The following LINGO2 variants were observed in gnomAD, a reference collection of about 807,000 sequenced individuals.
LINGO2 encodes the protein leucine rich repeat and Ig domain containing 2, also known as leucine-rich repeat and immunoglobulin-like domain-containing nogo receptor-interacting protein 2.
A neutral mutation model predicts 30.6 loss-of-function variants in LINGO2; 14 were observed. The ratio of observed to expected loss-of-function variants is 0.46; its 90% CI spans 0.30 to 0.72. LINGO2 has a LOEUF of 0.72. Ranked by LOEUF, LINGO2 falls within the 30% of genes least tolerant of loss-of-function variation. The probability of loss-of-function intolerance (pLI) is 0.07; values close to 1 mark genes in which losing one functional copy is unlikely to be tolerated. For missense variants in LINGO2, 729 were observed against 751.7 expected, an observed-to-expected ratio of 0.97 and a Z score of 0.35; for synonymous variants, 317 against 288.5, an observed-to-expected ratio of 1.10 and a Z score of -1.00.
the LINGO2 span, among the ~76,000 whole-genome samples, chr9:28,820,356 C>T: frequency 1.3e-5 from 2 of 151,788 alleles, no homozygotes; most frequent in Non-Finnish European, 2.9e-5. Flanking sequence ...AAAAAGATGA[C>T]AAAAATGGCC....
chr9:28,443,747 C>T (rs536911837), intron 2 of LINGO2, among the ~76,000 whole-genome samples: 35 of 152,270 alleles, frequency 2.3e-4, no homozygotes, highest in Middle Eastern at 3.4e-3. Flanking sequence ...TCAGTGTGGG[C>T]CTGTGGGCGG....
At chr9:28,180,093 G>C (rs1828870213) in intron 4 of LINGO2, among the ~76,000 whole-genome samples, 2 of 152,100 alleles carry the variant, frequency 1.3e-5, no homozygotes, top group South Asian at 4.1e-4. Context: ...CCTGGGGCAA[G>C]GAGCTGTCTT....
At chr9:28,925,206 A>G in the LINGO2 span, among the ~76,000 whole-genome samples, 1 of 152,332 alleles carries the variant, frequency 6.6e-6, no homozygotes, top group South Asian at 2.1e-4. Flanking sequence ...CCTTCCCCAG[A>G]GAAAAGTCTT....
At chr9:28,072,231 C>A (rs1825500430) in intron 4 of LINGO2, among the ~76,000 whole-genome samples, 1 of 152,190 alleles carries the variant, frequency 6.6e-6, no homozygotes, top group African/African-American at 2.4e-5. Context: ...CATGGAGAAT[C>A]TGGAAAAGCT....
the LINGO2 span, among the ~76,000 whole-genome samples, chr9:29,139,927 A>G: frequency 1.3e-3 from 197 of 152,184 alleles, no homozygotes; most frequent in South Asian, 0.01. Context: ...CTGCAGAGCC[A>G]TAGACAGACA....
the LINGO2 span, among the ~76,000 whole-genome samples, chr9:29,077,078 G>C: frequency 0.2 from 29,984 of 151,788 alleles, 3,101 homozygotes; most frequent in African/African-American, 0.24. Context: ...ATAAGGAAAT[G>C]GCAAACAAAC....
intron 4 of LINGO2, among the ~76,000 whole-genome samples, chr9:28,118,609 T>C (rs1307995241): frequency 6.6e-6 from 1 of 152,180 alleles, no homozygotes; most frequent in Non-Finnish European, 1.5e-5. Context: ...GGGAGAGTAG[T>C]AACTAATATG....
intron 4 of LINGO2, among the ~76,000 whole-genome samples, chr9:28,233,928 A>G (rs898275993): frequency 2.0e-5 from 3 of 152,196 alleles, no homozygotes; most frequent in African/African-American, 7.2e-5. Context: ...CTGAATAACC[A>G]GCAGTAATAC....
At chr9:28,840,154 G>A in the LINGO2 span, among the ~76,000 whole-genome samples, 21 of 151,848 alleles carry the variant, frequency 1.4e-4, no homozygotes, top group Non-Finnish European at 2.8e-4. Context: ...CTGAGAGCAC[G>A]GAGATGCTCA....
At chr9:28,220,382 T>C (rs888538398) in intron 4 of LINGO2, among the ~76,000 whole-genome samples, 4 of 152,162 alleles carry the variant, frequency 2.6e-5, no homozygotes, top group Non-Finnish European at 5.9e-5. Context: ...TTGTCCGTTA[T>C]CACACAAAAG....
intron 5 of LINGO2, among the ~76,000 whole-genome samples, chr9:27,953,736 A>G (rs562585300): frequency 6.6e-6 from 1 of 152,300 alleles, no homozygotes; most frequent in South Asian, 2.1e-4. Flanking sequence ...GTGTGAGTCA[A>G]TTAAACCTCT....
intron 1 of LINGO2, among the ~76,000 whole-genome samples, chr9:28,483,637 A>C (rs1826060371): frequency 6.6e-6 from 1 of 152,012 alleles, no homozygotes; most frequent in Non-Finnish European, 1.5e-5. Context: ...TGTACTTTCT[A>C]TTGTAATCAA....
intron 1 of LINGO2, among the ~76,000 whole-genome samples, chr9:28,516,248 G>A (rs1028860791): frequency 2.6e-5 from 4 of 152,160 alleles, no homozygotes; most frequent in Non-Finnish European, 5.9e-5. Flanking sequence ...AGGTACGCCT[G>A]TATATTTAAT....
chr9:27,993,961 T>G (rs1821527540), intron 5 of LINGO2, among the ~76,000 whole-genome samples: 1 of 151,970 alleles, frequency 6.6e-6, no homozygotes, highest in Admixed American at 6.6e-5. Context: ...ACGTGTCTTC[T>G]CTGACCACCG....
intron 4 of LINGO2, among the ~76,000 whole-genome samples, chr9:28,143,145 A>G (rs1264746813): frequency 6.6e-6 from 1 of 152,142 alleles, no homozygotes; most frequent in Non-Finnish European, 1.5e-5. Context: ...AATCACCATC[A>G]TTTTCTATAA....
chr9:28,647,172 C>CCT (rs1827879449), intron 1 of LINGO2, among the ~76,000 whole-genome samples: 1 of 152,058 alleles, frequency 6.6e-6, no homozygotes, highest in East Asian at 1.9e-4. Flanking sequence ...TCTTTTAATA[C>CCT]CTCTCAAAAA....
chr9:28,571,016 C>T (rs10812846), intron 1 of LINGO2, among the ~76,000 whole-genome samples: 35,888 of 150,800 alleles, frequency 0.24, 5,069 homozygotes, highest in African/African-American at 0.38. Flanking sequence ...AGAAAGTAAA[C>T]AGGAAAAAAT....
At chr9:28,523,894 CTT>C (rs1165400056) in intron 1 of LINGO2, among the ~76,000 whole-genome samples, 6 of 138,280 alleles carry the variant, frequency 4.3e-5, no homozygotes, top group Admixed American at 7.3e-5. Context: ...ACACAGTTGG[CTT>C]TTTTTTTTTT....
the LINGO2 span, among the ~76,000 whole-genome samples, chr9:28,759,468 G>T: frequency 6.6e-6 from 1 of 151,900 alleles, no homozygotes. Context: ...GGATCACAAG[G>T]TCAGGAGATC....
Sources: allele counts gnomAD v4.1 joint callset (sites outside exome capture counted in the v4.1 genomes callset), GRCh38; gene constraint gnomAD v4.1.1; transcripts MANE v1.5; gene names NCBI Gene and HGNC (gene_info 2026-07-23, HGNC 2026-07-21).